Variants in DPP6 observed in about 807,000 individuals in gnomAD.
The protein encoded by DPP6 is dipeptidyl peptidase like 6, also known as A-type potassium channel modulatory protein DPP6.
Under a neutral mutation model 122.6 loss-of-function variants are expected in DPP6, and 69 were observed. The observed-to-expected ratio is 0.56, with a 90% CI of 0.46 to 0.69. The LOEUF (loss-of-function observed/expected upper bound fraction) is 0.69, where lower values mean the gene tolerates loss of function less well. DPP6 is among the 30% of genes least tolerant of loss of function. The probability of loss-of-function intolerance (pLI) is 0.00; values close to 1 mark genes in which losing one functional copy is unlikely to be tolerated. For synonymous variants in DPP6, 418 were observed against 433.1 expected, an observed-to-expected ratio of 0.97 and a Z score of 0.43; for missense variants, 928 against 1,116.9, an observed-to-expected ratio of 0.83 and a Z score of 2.41.
intron 3 of DPP6, among the ~76,000 whole-genome samples, chr7:154,514,257 CAG>C (rs1826316514): frequency 6.6e-6 from 1 of 152,062 alleles, no homozygotes; most frequent in African/African-American, 2.4e-5. Context: ...GTCTGGCCAA[CAG>C]AGCAAGACTC....
intron 9 of DPP6, among the ~76,000 whole-genome samples, chr7:154,772,623 G>A (rs563384917): frequency 3.9e-5 from 6 of 152,132 alleles, no homozygotes; most frequent in African/African-American, 9.7e-5. Context: ...AATGGGAAGC[G>A]GATGGGATTC....
chr7:154,791,600 G>A (rs1280103850), intron 10 of DPP6, among the ~76,000 whole-genome samples: 5 of 152,196 alleles, frequency 3.3e-5, no homozygotes, highest in Non-Finnish European at 2.9e-5. Context: ...GGGGGACATG[G>A]CCAAACCATA....
intron 1 of DPP6, among the ~76,000 whole-genome samples, chr7:153,928,422 G>GTTTTTTTTTTTTTTTTTTTTT (rs1801022244): frequency 8.4e-5 from 1 of 11,874 alleles, no homozygotes; most frequent in Non-Finnish European, 2.0e-4. Flanking sequence ...TTTTTTTTTT[G>GTTTTTTTTTTTTTTTTTTTTT]GTAGAGACAG....
chr7:154,019,422 A>C (rs2533829), intron 1 of DPP6, among the ~76,000 whole-genome samples: 2,140 of 125,784 alleles, frequency 0.017, no homozygotes, highest in African/African-American at 0.062. Flanking sequence ...TTCTTTATCT[A>C]TCTATTTCTT....
At chr7:154,864,700 G>T (rs1803701144) in intron 17 of DPP6, among the ~76,000 whole-genome samples, 1 of 152,248 alleles carries the variant, frequency 6.6e-6, no homozygotes, top group Admixed American at 6.5e-5. Context: ...CATTAAATGA[G>T]AAATCTAATA....
At position 154,875,809 on chromosome 7, in the gene DPP6, G is replaced by A; in HGVS notation, c.1884-97G>A. On this transcript the variant is annotated intron_variant, in intron 19 of 25. Coordinates refer to ENST00000377770, the MANE Select transcript of DPP6 (RefSeq NM_130797.4). This position sits in a 1 kb window ranked among gnomAD's most constrained non-coding sequence, Gnocchi z 4.5. ...TGAGCGTGTGGCAGCCGGGTCACGG[G>A]TAAAATCCCTTACGGGGGTCATCTG... 6.7e-7 allele frequency: 1 copy of A among 1,492,930 alleles called. No homozygotes were observed. The highest frequency in any genetic ancestry group is 8.9e-7 in the Non-Finnish European group (1 of 1,117,786). 92.5% of individuals were successfully genotyped at this position (1,492,930 alleles called of 1,614,324 possible). A position where few individuals can be genotyped will look rare whatever the true frequency, so the allele number is the denominator to read the frequency against.
chr7:153,876,106 C>G, the DPP6 span, among the ~76,000 whole-genome samples: 6 of 151,904 alleles, frequency 3.9e-5, no homozygotes, highest in African/African-American at 1.4e-4. Flanking sequence ...AATTTATAAT[C>G]TTAGACTGGT....
At chr7:154,847,103 G>C (rs1415858445) in intron 16 of DPP6, among the ~76,000 whole-genome samples, 2 of 152,188 alleles carry the variant, frequency 1.3e-5, no homozygotes, top group Admixed American at 6.5e-5. Flanking sequence ...GTGTTCCCAG[G>C]AGTGGAGCCC....
chr7:154,262,788 T>A (rs1029711216), intron 1 of DPP6, among the ~76,000 whole-genome samples: 4 of 152,164 alleles, frequency 2.6e-5, no homozygotes, highest in East Asian at 1.9e-4. Context: ...TTGTACTAAA[T>A]ACGTTTTAGT....
At chr7:154,300,641 G>A (rs1409331445) in intron 1 of DPP6, among the ~76,000 whole-genome samples, 3 of 151,974 alleles carry the variant, frequency 2.0e-5, no homozygotes, top group Non-Finnish European at 4.4e-5. Context: ...GTGTATACGT[G>A]TGTGGGGATT....
intron 1 of DPP6, among the ~76,000 whole-genome samples, chr7:154,296,641 G>A (rs1007888449): frequency 6.6e-6 from 1 of 152,198 alleles, no homozygotes; most frequent in Admixed American, 6.5e-5. Context: ...CTTTTAGGAA[G>A]AGAAAAGATG....
At chr7:154,127,597 TCACACA>T (rs71182879) in intron 1 of DPP6, among the ~76,000 whole-genome samples, 2,022 of 136,614 alleles carry the variant, frequency 0.015, 82 homozygotes, top group East Asian at 0.14. Context: ...GAGCAGCATC[TCACACA>T]CACACACACA....
chr7:154,625,979 C>T (rs1016170636), intron 5 of DPP6, among the ~76,000 whole-genome samples: 1 of 152,060 alleles, frequency 6.6e-6, no homozygotes, highest in Non-Finnish European at 1.5e-5. Context: ...AAACAAAATA[C>T]AAAGGCAGTA....
intron 1 of DPP6, among the ~76,000 whole-genome samples, chr7:154,119,820 A>G (rs1807300606): frequency 6.7e-6 from 1 of 150,238 alleles, no homozygotes; most frequent in South Asian, 2.2e-4. Context: ...TAAAAAGTTT[A>G]AAATGCATTT....
chr7:154,372,884 T>C (rs1812797061), intron 1 of DPP6, among the ~76,000 whole-genome samples: 2 of 152,106 alleles, frequency 1.3e-5, no homozygotes, highest in Admixed American at 1.3e-4. Context: ...CAGACCAGCT[T>C]CCCCACCACC....
chr7:154,063,597 G>T (rs1345004867), intron 1 of DPP6, among the ~76,000 whole-genome samples: 1 of 70,342 alleles, frequency 1.4e-5, no homozygotes, highest in Non-Finnish European at 2.8e-5. Flanking sequence ...TACCCCCATC[G>T]CAGTGAGGGA....
At chr7:154,203,076 C>T (rs1044527319) in intron 1 of DPP6, among the ~76,000 whole-genome samples, 2 of 152,130 alleles carry the variant, frequency 1.3e-5, no homozygotes, top group Admixed American at 6.5e-5. Context: ...GAATAAATTA[C>T]TTAAATTAAG....
chr7:154,348,664 C>T (rs927507071), intron 1 of DPP6, among the ~76,000 whole-genome samples: 1 of 152,200 alleles, frequency 6.6e-6, no homozygotes, highest in African/African-American at 2.4e-5. Flanking sequence ...TCACTCTTCT[C>T]GGTTGCATAA....
the DPP6 span, among the ~76,000 whole-genome samples, chr7:153,807,786 C>G: frequency 6.6e-6 from 1 of 151,972 alleles, no homozygotes. Context: ...CCGCCTTTGC[C>G]TACTTTTCAT....
Sources: gnomAD v4.1 joint callset for allele counts (sites outside exome capture counted in the v4.1 genomes callset) on GRCh38, gnomAD v4.1.1 for gene constraint, Gnocchi (gnomAD v3.1) non-coding constraint, MANE v1.5 for transcripts, NCBI Gene and HGNC (gene_info 2026-07-23, HGNC 2026-07-21) for gene names.